NRXN1: variants seen among roughly 807,000 people sequenced by gnomAD.
NRXN1 encodes the protein neurexin-1.
Under a neutral mutation model 150.9 loss-of-function variants are expected in NRXN1, and 39 were observed. The ratio of observed to expected loss-of-function variants is 0.26; its 90% CI spans 0.20 to 0.34. The LOEUF is 0.34. Among genes scored for constraint, NRXN1 ranks in the 10% least tolerant of loss-of-function variants. The pLI is 1.00. For missense variants in NRXN1, 1,815 were observed against 1,949.9 expected, an observed-to-expected ratio of 0.93 and a Z score of 1.30; for synonymous variants, 924 against 757.0, an observed-to-expected ratio of 1.22 and a Z score of -3.62.
intron 17 of NRXN1, among the ~76,000 whole-genome samples, chr2:50,444,240 G>C (rs572126202): frequency 6.6e-6 from 1 of 152,184 alleles, no homozygotes; most frequent in East Asian, 1.9e-4. Context: ...TCCATTCTCT[G>C]TCACAGGAAA....
chr2:50,966,503 G>C (rs1471512619), intron 2 of NRXN1, among the ~76,000 whole-genome samples: 1 of 151,608 alleles, frequency 6.6e-6, no homozygotes, highest in Admixed American at 6.6e-5. Context: ...TACATCTCTG[G>C]AAAAGAGCAC....
chr2:50,768,374 T>C lies in NRXN1; in HGVS notation c.833-144759A>G, dbSNP rs189484366. Among the ~76,000 whole-genome samples, 3 of 152,102 alleles carry C rather than the reference T, an allele frequency of 2.0e-5. No homozygotes were observed. In the East Asian group the frequency reaches 5.8e-4, roughly 30 times the overall value. On this transcript the variant is annotated intron_variant, in intron 5 of 22. Coordinates refer to ENST00000401669, the MANE Select transcript of NRXN1 (RefSeq NM_001330078.2). ...TGCAGGCTGGAGCGCAGTGGCATGA[T>C]CACGACTCACTGGAGCCTCCATCAC...
At chr2:50,232,822 G>A (rs866744982) in intron 18 of NRXN1, among the ~76,000 whole-genome samples, 2 of 152,046 alleles carry the variant, frequency 1.3e-5, no homozygotes, top group Middle Eastern at 3.4e-3. Context: ...AATAAATAAG[G>A]CAATTATTAA....
intron 5 of NRXN1, among the ~76,000 whole-genome samples, chr2:50,805,352 T>C (rs1165070950): frequency 6.6e-6 from 1 of 152,162 alleles, no homozygotes; most frequent in Non-Finnish European, 1.5e-5. Flanking sequence ...GATGCTCACT[T>C]ATTACATTAA....
intron 17 of NRXN1, among the ~76,000 whole-genome samples, chr2:50,306,042 T>G (rs1469492867): frequency 6.6e-6 from 1 of 152,194 alleles, no homozygotes; most frequent in Non-Finnish European, 1.5e-5. Flanking sequence ...CTTGTGTGAT[T>G]ATTAAAGAAT....
intron 8 of NRXN1, among the ~76,000 whole-genome samples, chr2:50,596,145 T>C (rs74487623): frequency 0.019 from 2,932 of 152,322 alleles, 104 homozygotes; most frequent in African/African-American, 0.067. Context: ...TTTTTGCTCA[T>C]GGCCAACTTT....
chr2:50,802,550 G>A (rs973391455), intron 5 of NRXN1, among the ~76,000 whole-genome samples: 1 of 148,248 alleles, frequency 6.7e-6, no homozygotes, highest in Non-Finnish European at 1.5e-5. Flanking sequence ...AGGAAGGAAG[G>A]AAGGAAGGAA....
At chr2:50,244,531 T>C (rs1012128198) in intron 17 of NRXN1, among the ~76,000 whole-genome samples, 1 of 151,958 alleles carries the variant, frequency 6.6e-6, no homozygotes, top group African/African-American at 2.4e-5. Flanking sequence ...TAAGCCTTCC[T>C]ATCTCTTGAT....
At chr2:50,472,233 G>T in intron 16 of NRXN1, 65 bp downstream of exon 16, 1 of 1,343,898 alleles carries the variant, frequency 7.4e-7, no homozygotes, top group South Asian at 1.9e-5. Context: ...TGGACAGTGA[G>T]ATTCACTCTC....
intron 9 of NRXN1, among the ~76,000 whole-genome samples, chr2:50,551,737 A>G (rs1667573716): frequency 6.6e-6 from 1 of 151,864 alleles, no homozygotes; most frequent in Non-Finnish European, 1.5e-5. Flanking sequence ...CTTAAAACAG[A>G]TTTCTCTCTC....
intron 5 of NRXN1, among the ~76,000 whole-genome samples, chr2:50,722,252 T>C (rs1696762287): frequency 6.6e-6 from 1 of 152,254 alleles, no homozygotes; most frequent in South Asian, 2.1e-4. Context: ...AACCCCAAAA[T>C]TGAGGGTCTT....
intron 13 of NRXN1, among the ~76,000 whole-genome samples, chr2:50,500,357 A>G (rs1207864851): frequency 6.6e-6 from 1 of 152,178 alleles, no homozygotes; most frequent in African/African-American, 2.4e-5. Context: ...TAAAAAAAAA[A>G]TATAATTACA....
At chr2:50,591,742 T>C (rs987041284) in intron 8 of NRXN1, among the ~76,000 whole-genome samples, 4 of 152,158 alleles carry the variant, frequency 2.6e-5, no homozygotes, top group African/African-American at 9.7e-5. Context: ...GGACAGCACA[T>C]GGTTCTCTTC....
chr2:50,546,799 AT>A (rs763891938), intron 9 of NRXN1, among the ~76,000 whole-genome samples: 1 of 152,174 alleles, frequency 6.6e-6, no homozygotes, highest in Non-Finnish European at 1.5e-5. Context: ...CCTCTGATGA[AT>A]AGTGGTTTAT....
At chr2:50,406,327 C>A (rs780996023) in intron 17 of NRXN1, among the ~76,000 whole-genome samples, 13 of 152,030 alleles carry the variant, frequency 8.6e-5, no homozygotes, top group Non-Finnish European at 1.5e-4. Flanking sequence ...AAAAAGTTAA[C>A]CCCTTAAAGA....
At chr2:50,081,621 T>C (rs1335124513) in intron 19 of NRXN1, among the ~76,000 whole-genome samples, 2 of 152,170 alleles carry the variant, frequency 1.3e-5, no homozygotes, top group African/African-American at 4.8e-5. Context: ...TGGACAAATA[T>C]AAATAGCATG....
intron 5 of NRXN1, among the ~76,000 whole-genome samples, chr2:50,674,331 A>G (rs1306199830): frequency 1.3e-5 from 2 of 152,152 alleles, no homozygotes; most frequent in East Asian, 1.9e-4. Flanking sequence ...TAGTCTGGAC[A>G]TCAGAAGCAT....
At chr2:50,439,195 G>A (rs552463092) in intron 17 of NRXN1, among the ~76,000 whole-genome samples, 7 of 152,338 alleles carry the variant, frequency 4.6e-5, no homozygotes, top group Admixed American at 3.9e-4. Flanking sequence ...GCAATGCAAT[G>A]CAGTTGTAGC....
intron 17 of NRXN1, among the ~76,000 whole-genome samples, chr2:50,274,120 C>T (rs1008625661): frequency 2.0e-5 from 3 of 152,094 alleles, no homozygotes; most frequent in Non-Finnish European, 1.5e-5. Flanking sequence ...AGACTTGGCA[C>T]CAACCGAAAT....
Sources: gnomAD v4.1 joint callset for allele counts (sites outside exome capture counted in the v4.1 genomes callset) on GRCh38, gnomAD v4.1.1 for gene constraint, MANE v1.5 for transcripts, NCBI Gene and HGNC (gene_info 2026-07-23, HGNC 2026-07-21) for gene names.